The following CGNL1 variants were observed in gnomAD, a reference collection of about 807,000 sequenced individuals.
The protein encoded by CGNL1 is cingulin-like protein 1.
Under a neutral mutation model 141.2 loss-of-function variants are expected in CGNL1, and 132 were observed. The ratio of observed to expected loss-of-function variants is 0.93; its 90% CI spans 0.81 to 1.08. CGNL1 has a LOEUF of 1.08. Among genes scored for constraint, CGNL1 ranks in the 50% least tolerant of loss-of-function variants. The pLI, the probability that CGNL1 is intolerant of heterozygous loss-of-function variation, is 0.00. For synonymous variants in CGNL1, 690 were observed against 622.1 expected, an observed-to-expected ratio of 1.11 and a Z score of -1.63; for missense variants, 1,870 against 1,588.6, an observed-to-expected ratio of 1.18 and a Z score of -3.01.
rs531657192 is a variant in CGNL1, at chr15:57,456,665, T to A, written c.2190+2847T>A. 7.9e-5 allele frequency among the ~76,000 whole-genome samples: 12 copies of A among 152,188 alleles called. No individual in the cohort carries two copies. The South Asian group carries it at 1.2e-3, about 16-fold the overall frequency. ...TCAGCTCAAGTTACAAAAATGATTA[T>A]AGAACAGGTTTCCACCACTTCTCTG... is the stretch of plus-strand genomic sequence containing the variant. On this transcript the variant is annotated intron_variant, in intron 7 of 18. Transcript: ENST00000281282.
chr15:57,542,758 T>A (rs1232537735), intron 14 of CGNL1, among the ~76,000 whole-genome samples: 1 of 152,190 alleles, frequency 6.6e-6, no homozygotes, highest in Non-Finnish European at 1.5e-5. Flanking sequence ...GTTATGTACC[T>A]CTTGGGGAAG....
In CGNL1 at chr15:57,459,938, G is replaced by T. The variant is rs2063425253; in HGVS notation, c.2191-1742G>T. ...CTAGCAGGTCTTTGAATGTGTTAGT[G>T]CAGGTTTGAACTCAGAGAAGGGTAA... On this transcript the variant is annotated intron_variant, in intron 7 of 18. Transcript: ENST00000281282. 2.0e-5 allele frequency among the ~76,000 whole-genome samples: 3 copies of T among 152,214 alleles called. No homozygotes were observed. In the South Asian group the frequency reaches 6.2e-4, roughly 32 times the overall value.
chr15:57,438,935 T>C lies in CGNL1; in HGVS notation c.936T>C (p.Phe312=). ...TPTSANSLYR[F]LLDDQECAIH... ...CGTCAGCCAACTCTTTGTACAGGTT[T>C]TTACTGGATGATCAGGAATGTGCCA... The change falls in exon 2 of 19, where the codon TTT becomes TTC. Residue 312 remains phenylalanine (F), a synonymous_variant. Coordinates refer to ENST00000281282, the MANE Select transcript of CGNL1 (RefSeq NM_032866.5). 6.2e-7 allele frequency: 1 copy of C among 1,614,202 alleles called. No homozygotes were observed. The highest frequency in any genetic ancestry group is 1.1e-5 in the South Asian group (1 of 91,074).
intron 1 of CGNL1, among the ~76,000 whole-genome samples, chr15:57,391,549 G>A (rs916257030): frequency 1.3e-5 from 2 of 152,208 alleles, no homozygotes; most frequent in East Asian, 1.9e-4. Flanking sequence ...TATCTAGAGA[G>A]CAGTTTGGCA....
intron 1 of CGNL1, among the ~76,000 whole-genome samples, chr15:57,403,394 C>A (rs146505200): frequency 1.7e-4 from 26 of 152,304 alleles, no homozygotes; most frequent in African/African-American, 6.3e-4. Flanking sequence ...CAACATTAAA[C>A]CTCCATGCAA....
chr15:57,394,975 G>C (rs2062586616), intron 1 of CGNL1, among the ~76,000 whole-genome samples: 1 of 152,156 alleles, frequency 6.6e-6, no homozygotes, highest in African/African-American at 2.4e-5. Context: ...AGCTGTGCAT[G>C]GTGGCATACG....
chr15:57,439,315 G>A lies in CGNL1; in HGVS notation c.1316G>A (p.Ser439Asn), dbSNP rs189508357. The A allele has an allele frequency of 9.3e-6, 15 of 1,614,114 alleles. No homozygotes were observed. The highest frequency in any genetic ancestry group is 5.0e-5 in the Admixed American group (3 of 60,032). Residue 439 changes from serine (S) to asparagine (N), a missense_variant, in exon 2 of 19, where the codon AGC (serine) becomes AAC (asparagine). Coordinates refer to ENST00000281282, the MANE Select transcript of CGNL1 (RefSeq NM_032866.5). ...TCTCAGGAGCGCCGTGGGAAACAGA[G>A]CGTGGGCCGCACCTTTGCAAAGCTG... ...PLSQERRGKQ[S>N]VGRTFAKLQG...
chr15:57,451,476 G>C (rs750722086), intron 4 of CGNL1, 24 bp from the exon 5 acceptor site: 1 of 1,498,508 alleles, frequency 6.7e-7, no homozygotes, highest in Non-Finnish European at 9.2e-7. Context: ...ATTTAAATTA[G>C]TATATCTTTG....
intron 8 of CGNL1, among the ~76,000 whole-genome samples, chr15:57,494,238 A>G (rs1408303957): frequency 6.6e-6 from 1 of 152,228 alleles, no homozygotes; most frequent in Non-Finnish European, 1.5e-5. Context: ...CATCAAATGA[A>G]TATTTCTAAC....
At chr15:57,431,812 A>T (rs781163039) in intron 1 of CGNL1, among the ~76,000 whole-genome samples, 1 of 152,140 alleles carries the variant, frequency 6.6e-6, no homozygotes, top group African/African-American at 2.4e-5. Flanking sequence ...TCTTCTTCCA[A>T]TGTGGCCCAG....
intron 1 of CGNL1, among the ~76,000 whole-genome samples, chr15:57,400,214 G>A (rs1486850537): frequency 6.6e-6 from 1 of 152,098 alleles, no homozygotes; most frequent in Non-Finnish European, 1.5e-5. Context: ...TGGCCAGGCT[G>A]GTCTTGAACT....
At chr15:57,527,903 T>C (rs1397764569) in intron 12 of CGNL1, among the ~76,000 whole-genome samples, 2 of 152,184 alleles carry the variant, frequency 1.3e-5, no homozygotes, top group African/African-American at 4.8e-5. Flanking sequence ...AATTACCCCC[T>C]GGGAAACATG....
chr15:57,543,839 A>G lies in CGNL1; in HGVS notation c.3375+60A>G, dbSNP rs1595817544. 6 of 1,258,422 alleles carry G rather than the reference A, an allele frequency of 4.8e-6. No individual in the cohort carries two copies. The East Asian group carries it at 1.2e-4, about 24-fold the overall frequency. The allele number at this position is 1,258,422 out of a possible 1,614,324, so 78.0% of individuals were successfully genotyped here. ...CCATCCGCTAACCCTCCCCCACTTC[A>G]CTGCTTTGAACTAGAAGCCCTTGGA... On this transcript the variant is annotated intron_variant, in intron 15 of 18. Transcript: ENST00000281282.
chr15:57,454,299 G>A (rs1418988462), intron 7 of CGNL1, among the ~76,000 whole-genome samples: 6 of 152,102 alleles, frequency 3.9e-5, no homozygotes, highest in African/African-American at 9.7e-5. Context: ...AAACAATTTA[G>A]AACAAAGCCA....
rs775427405 is a variant in CGNL1 at position 57,440,426 on chromosome 15, A to G, written c.1652A>G (p.Asn551Ser). Residue 551 changes from asparagine (N) to serine (S), a missense_variant, in exon 3 of 19, where the codon AAT becomes AGT. Physicochemically the swap from Asn to Ser is conservative, Grantham distance 46. Transcript: ENST00000281282. ...CAGCAAGAGCTCACTCAGCAAACCA[A>G]TGAGGAGACAGCTAAGCAGATTCTC... is the stretch of plus-strand genomic sequence containing the variant. ...KGQQELTQQT[N>S]EETAKQILYN... The G allele has an allele frequency of 1.3e-5, 21 of 1,602,378 alleles. No homozygotes were observed. The highest frequency in any genetic ancestry group is 4.5e-5 in the East Asian group (2 of 44,770).
rs1478726301 is a variant in CGNL1, at chr15:57,439,261, C to T, written c.1262C>T (p.Pro421Leu). ...LGKSSEHLLR[P>L]SQVCPQRPLS... is the part of the protein sequence containing the mutation. ...AAGTCAAGCGAACACCTCCTCCGGC[C>T]TTCCCAGGTGTGCCCGCAGCGGCCA... The change falls in exon 2 of 19, where the codon CCT becomes CTT. Residue 421 changes from proline to leucine, a missense_variant. By Grantham distance (98) the Pro-to-Leu change is moderately conservative (BLOSUM62 -3). Transcript: ENST00000281282. 4 of 1,613,966 alleles carry T rather than the reference C, an allele frequency of 2.5e-6. No individual in the cohort carries two copies. The highest frequency in any genetic ancestry group is 1.1e-5 in the South Asian group (1 of 91,086).
At chr15:57,461,133 C>T (rs1465362410) in intron 7 of CGNL1, among the ~76,000 whole-genome samples, 3 of 152,104 alleles carry the variant, frequency 2.0e-5, no homozygotes, top group Admixed American at 6.5e-5. Context: ...TGTGACCTTC[C>T]TCATTAATAC....
Position 57,461,711 on chromosome 15 carries a change from A to G in CGNL1, c.2222A>G (p.Asp741Gly), listed in dbSNP as rs1299800590. The G allele has an allele frequency of 6.2e-7, 1 of 1,614,080 alleles. No homozygotes were observed. Among genetic ancestry groups the G allele is most frequent in the Admixed American group, 1.7e-5 (1 of 60,024 alleles). ...TTACAGGCAAAACAGGATCTTCAAGATCTGCTGATTGCCAAAGAGGAGCAA... is the reference window on the plus strand; with the variant it reads ...TTACAGGCAAAACAGGATCTTCAAGGTCTGCTGATTGCCAAAGAGGAGCAA... ...ELLQAKQDLQ[D>G]LLIAKEEQED... Residue 741 changes from aspartate to glycine, a missense_variant, in exon 8 of 19, where the codon GAT becomes GGT. Transcript: ENST00000281282.
chr15:57,544,612 C>T lies in CGNL1; in HGVS notation c.3500+15C>T. 6.4e-7 allele frequency: 1 copy of T among 1,564,692 alleles called. No individual in the cohort carries two copies. ...AGTGAGGAGAGGTGAGCCGGGCCCA[C>T]CCACTGCAGTGCGGAGGCCCCAGTG... On this transcript the variant is annotated intron_variant, in intron 16 of 18. Transcript: ENST00000281282.
Sources: allele counts gnomAD v4.1 joint callset (sites outside exome capture counted in the v4.1 genomes callset), GRCh38; gene constraint gnomAD v4.1.1; transcripts MANE v1.5; gene names NCBI Gene and HGNC (gene_info 2026-07-23, HGNC 2026-07-21).